The following ERGIC1 variants were observed in gnomAD, a reference collection of about 807,000 sequenced individuals.
ERGIC1 encodes endoplasmic reticulum-Golgi intermediate compartment protein 1.
A neutral mutation model predicts 38.3 loss-of-function variants in ERGIC1; 19 were observed. The ratio of observed to expected loss-of-function variants is 0.50; its 90% CI spans 0.35 to 0.73. The LOEUF is 0.73. ERGIC1 is among the 30% of genes least tolerant of loss of function. The pLI is 0.01. For synonymous variants in ERGIC1, 124 were observed against 157.6 expected (o/e 0.79, Z 1.60); for missense variants, 294 against 389.2 (o/e 0.76, Z 2.06).
intron 7 of ERGIC1, among the ~76,000 whole-genome samples, chr5:172,930,011 C>T (rs1026963715): frequency 1.3e-5 from 2 of 151,818 alleles, no homozygotes; most frequent in African/African-American, 2.4e-5. Flanking sequence ...GATGGTGAAA[C>T]CCCCATCTCT....
At chr5:172,910,093 G>A (rs976096512) in intron 4 of ERGIC1, among the ~76,000 whole-genome samples, 4 of 152,156 alleles carry the variant, frequency 2.6e-5, no homozygotes, top group Non-Finnish European at 5.9e-5. Flanking sequence ...AGGGAGAAAC[G>A]CAGGATAGGG....
intron 2 of ERGIC1, among the ~76,000 whole-genome samples, chr5:172,892,403 G>T (rs1762591102): frequency 6.6e-6 from 1 of 152,168 alleles, no homozygotes; most frequent in Admixed American, 6.6e-5. Context: ...AATAACTGAA[G>T]GAAAGATCAG....
intron 1 of ERGIC1, among the ~76,000 whole-genome samples, chr5:172,873,587 A>T (rs1219350052): frequency 6.6e-6 from 1 of 152,218 alleles, no homozygotes; most frequent in East Asian, 1.9e-4. Flanking sequence ...GAGTACAGAG[A>T]GCCAAGGCTC....
chr5:172,843,788 T>C (rs1327303813), intron 1 of ERGIC1, among the ~76,000 whole-genome samples: 1 of 152,118 alleles, frequency 6.6e-6, no homozygotes, highest in East Asian at 1.9e-4. Flanking sequence ...TGAAATCCCT[T>C]CCTCAGTGTT....
chr5:172,889,113 C>A (rs1045357845), intron 2 of ERGIC1, among the ~76,000 whole-genome samples: 1 of 152,060 alleles, frequency 6.6e-6, no homozygotes, highest in African/African-American at 2.4e-5. Flanking sequence ...GCTGAAACCC[C>A]GTCTCTATTA....
intron 5 of ERGIC1, chr5:172,918,309 G>T (rs1023166892): frequency 1.3e-5 from 2 of 152,076 alleles, no homozygotes; most frequent in African/African-American, 4.8e-5. Flanking sequence ...TGCATTTTAC[G>T]CATTAAAACA....
At position 172,834,373 on chromosome 5, in the gene ERGIC1, C is replaced by T; in HGVS notation, c.-41C>T. On this transcript the variant is annotated 5_prime_UTR_variant, in exon 1 of 10. Coordinates refer to ENST00000393784, the MANE Select transcript of ERGIC1 (RefSeq NM_001031711.3). This position sits in a 1 kb window ranked among gnomAD's most constrained non-coding sequence, Gnocchi z 4.1. ...GGCTCGGACCCACGCGGCGCCGCGG[C>T]CCGCCTGGCCTGCAGCGCTCCCACC... The T allele has an allele frequency of 7.8e-7, 1 of 1,274,502 alleles. No homozygotes were observed. Among genetic ancestry groups the T allele is most frequent in the Non-Finnish European group, 9.9e-7 (1 of 1,010,632 alleles). The allele number at this position is 1,274,502 out of a possible 1,614,324, so 78.9% of individuals were successfully genotyped here. A position where few individuals can be genotyped will look rare whatever the true frequency, so the allele number is the denominator to read the frequency against.
chr5:172,929,182 TACAC>T (rs999123905), intron 7 of ERGIC1, among the ~76,000 whole-genome samples: 1 of 151,682 alleles, frequency 6.6e-6, no homozygotes, highest in African/African-American at 2.4e-5. Context: ...TATATAAGTA[TACAC>T]ACACATACAT....
At chr5:172,835,567 A>G (rs1288489822) in intron 1 of ERGIC1, among the ~76,000 whole-genome samples, 2 of 152,216 alleles carry the variant, frequency 1.3e-5, no homozygotes, top group East Asian at 1.9e-4. Context: ...CATCCACAAA[A>G]TAGTGATTCA....
At chr5:172,848,962 C>T (rs1761341124) in intron 1 of ERGIC1, among the ~76,000 whole-genome samples, 1 of 152,206 alleles carries the variant, frequency 6.6e-6, no homozygotes, top group South Asian at 2.1e-4. Flanking sequence ...TGATGGGAGG[C>T]CACCACGTGC....
At chr5:172,899,626 C>T (rs1050282517) in intron 3 of ERGIC1, among the ~76,000 whole-genome samples, 1 of 152,082 alleles carries the variant, frequency 6.6e-6, no homozygotes, top group South Asian at 2.1e-4. Flanking sequence ...GCCTGGGACT[C>T]ACTTCTTGAT....
At chr5:172,908,223 A>G (rs1008589508) in intron 3 of ERGIC1, among the ~76,000 whole-genome samples, 2 of 147,280 alleles carry the variant, frequency 1.4e-5, no homozygotes, top group Non-Finnish European at 3.0e-5. Flanking sequence ...TGAAATCACA[A>G]GAGTTCCTGT....
At chr5:172,905,750 G>C (rs953279600) in intron 3 of ERGIC1, among the ~76,000 whole-genome samples, 6 of 149,462 alleles carry the variant, frequency 4.0e-5, no homozygotes, top group Non-Finnish European at 8.9e-5. Context: ...ACACAGACCA[G>C]AAGAGTGTGT....
intron 1 of ERGIC1, among the ~76,000 whole-genome samples, chr5:172,877,454 ATATATTTTTT>A (rs1249973904): frequency 2.5e-5 from 3 of 121,940 alleles, no homozygotes; most frequent in South Asian, 2.6e-4. Context: ...ATATATATAT[ATATATTTTTT>A]TTTTTTTTTT....
chr5:172,950,212 T>A (rs1239340542), intron 9 of ERGIC1, among the ~76,000 whole-genome samples: 1 of 152,236 alleles, frequency 6.6e-6, no homozygotes, highest in Non-Finnish European at 1.5e-5. Context: ...GGATGCCATT[T>A]CTTGGCTGTG....
chr5:172,856,198 G>A (rs1237574535), intron 1 of ERGIC1, among the ~76,000 whole-genome samples: 1 of 152,172 alleles, frequency 6.6e-6, no homozygotes, highest in Non-Finnish European at 1.5e-5. Flanking sequence ...CTGGACTGGA[G>A]AGAGAGACTG....
At chr5:172,920,157 C>G (rs987798534) in intron 5 of ERGIC1, among the ~76,000 whole-genome samples, 1 of 152,164 alleles carries the variant, frequency 6.6e-6, no homozygotes, top group African/African-American at 2.4e-5. Context: ...GCCTAGGGCA[C>G]CCTCTGCCCC....
chr5:172,891,909 T>C (rs946265619), intron 2 of ERGIC1, among the ~76,000 whole-genome samples: 2 of 152,228 alleles, frequency 1.3e-5, no homozygotes, highest in Admixed American at 6.5e-5. Context: ...TTCTGTTATC[T>C]GGCTGACCTA....
At chr5:172,870,055 GTC>G (rs780521129) in intron 1 of ERGIC1, among the ~76,000 whole-genome samples, 27 of 151,900 alleles carry the variant, frequency 1.8e-4, no homozygotes, top group Non-Finnish European at 3.1e-4. Flanking sequence ...TAACTTTTAT[GTC>G]TCTCTCTCTC....
Sources: allele counts gnomAD v4.1 joint callset (sites outside exome capture counted in the v4.1 genomes callset), GRCh38; gene constraint gnomAD v4.1.1; non-coding constraint Gnocchi (gnomAD v3.1); transcripts MANE v1.5; gene names NCBI Gene and HGNC (gene_info 2026-07-23, HGNC 2026-07-21).